The following NME9 variants were observed in gnomAD, a reference collection of about 807,000 sequenced individuals.
NME9 encodes the protein NME/NM23 family member 9, also known as thioredoxin domain-containing protein 6.
NME9 carries 48 observed loss-of-function variants against 44.4 expected under a neutral mutation model. The observed-to-expected ratio is 1.08, with a 90% CI of 0.86 to 1.37. The LOEUF (loss-of-function observed/expected upper bound fraction) is 1.37. NME9 is among the 40% of genes most tolerant of loss of function. NME9 has a pLI of 0.00. For missense variants in NME9, 325 were observed against 405.2 expected (o/e 0.80, Z 1.70); for synonymous variants, 139 against 147.1 (o/e 0.94, Z 0.40).
At position 138,283,005 on chromosome 3, in the gene NME9, G is replaced by A. The variant is rs73867057; in HGVS notation, c.746-20419C>T. On this transcript the variant is annotated intron_variant, in intron 8 of 8. Coordinates refer to the NME9 transcript ENST00000317876. Reference sequence around the variant, plus strand: ...TGACACCTTCTCCAGATCAGATCATGTCTGTCCCACTTCTTGGGCACATAA... The same window carrying A: ...TGACACCTTCTCCAGATCAGATCATATCTGTCCCACTTCTTGGGCACATAA... Among the ~76,000 whole-genome samples the A allele has an allele frequency of 5.2e-3, 789 of 152,312 alleles. 8 individuals are homozygous for A. The highest frequency in any genetic ancestry group is 0.018 in the African/African-American group (758 of 41,560).
In NME9 at chr3:138,316,097, G is replaced by A. The variant is rs964898148; in HGVS notation, c.268-454C>T. ...TCTGCCTGTCTCGGCCTCCCAAAGC[G>A]TTGGGATTACAGGCGTGAGCCACCG... is the stretch of plus-strand genomic sequence containing the variant. On this transcript the variant is annotated intron_variant, in intron 4 of 10. Coordinates refer to ENST00000333911, the MANE Select transcript of NME9 (RefSeq NM_001349018.2). Among the ~76,000 whole-genome samples the A allele has an allele frequency of 4.6e-5, 7 of 152,226 alleles. No individual in the cohort carries two copies. In the South Asian group the frequency reaches 8.3e-4, roughly 18 times the overall value.
chr3:138,287,522 G>A (rs2050546578), intron 8 of NME9: 2 of 380,294 alleles, frequency 5.3e-6, no homozygotes, highest in East Asian at 1.6e-4. Flanking sequence ...ATAAACTTAT[G>A]CATAGTAAAT....
At chr3:138,264,249 A>C (rs770785995) in intron 8 of NME9, 3 of 1,552,282 alleles carry the variant, frequency 1.9e-6, no homozygotes, top group African/African-American at 1.4e-5. Context: ...AGCTGTACTC[A>C]CAGACCCTAG....
intron 8 of NME9, among the ~76,000 whole-genome samples, chr3:138,272,382 G>T (rs2048879186): frequency 6.6e-6 from 1 of 151,728 alleles, no homozygotes; most frequent in Admixed American, 6.6e-5. Flanking sequence ...AGTGATAAAT[G>T]AGTTTTGTAT....
chr3:138,325,403 T>G (rs1359558367), intron 1 of NME9, among the ~76,000 whole-genome samples: 1 of 151,064 alleles, frequency 6.6e-6, no homozygotes, highest in Non-Finnish European at 1.5e-5. Flanking sequence ...AATTTCTTTT[T>G]TTTTTTTTGT....
chr3:138,329,550 T>C lies in NME9; in HGVS notation c.-215A>G. The C allele has an allele frequency of 7.5e-7, 1 of 1,338,194 alleles. No individual in the cohort carries two copies. The highest frequency in any genetic ancestry group is 3.0e-5 in the East Asian group (1 of 33,088). 82.9% of individuals were successfully genotyped at this position (1,338,194 alleles called of 1,614,324 possible). On this transcript the variant is annotated 5_prime_UTR_variant, in exon 1 of 11. Coordinates refer to ENST00000333911, the MANE Select transcript of NME9 (RefSeq NM_001349018.2). ...CCCCGCGAGGAAGCGGAGCCTGCAG[T>C]CCACGGGCTCGTGGCTCGCCGGGCG...
chr3:138,278,514 A>G (rs2049535914), intron 8 of NME9, among the ~76,000 whole-genome samples: 5 of 152,134 alleles, frequency 3.3e-5, no homozygotes. Flanking sequence ...AAAAAAAAAA[A>G]GATTCTATAC....
chr3:138,279,673 C>A (rs537512100), intron 8 of NME9, among the ~76,000 whole-genome samples: 1 of 152,074 alleles, frequency 6.6e-6, no homozygotes, highest in Non-Finnish European at 1.5e-5. Context: ...GATACGATGA[C>A]CGTTTTGTGG....
rs78573658 is a variant in NME9, at chr3:138,293,310, G to A, written c.745+10197C>T. ...TAATCCCAGCACTTTGGGAGGCCGA[G>A]GTAAGCGGATTATGAGGTCAGGAGT... is the stretch of plus-strand genomic sequence containing the variant. On this transcript the variant is annotated intron_variant, in intron 8 of 8. Coordinates refer to the NME9 transcript ENST00000317876. 7.7e-3 allele frequency among the ~76,000 whole-genome samples: 1,168 copies of A among 152,272 alleles called. 38 individuals carry two copies. In the East Asian group the frequency reaches 0.087, roughly 11 times the overall value.
At chr3:138,289,209 C>T (rs1272655481) in intron 8 of NME9, 2 of 1,022,178 alleles carry the variant, frequency 2.0e-6, no homozygotes, top group East Asian at 2.6e-5. Context: ...AGATCCTGGG[C>T]AGAGGCTCTG....
chr3:138,290,602 A>G (rs1209317884), intron 8 of NME9: 2 of 1,607,234 alleles, frequency 1.2e-6, no homozygotes, highest in Admixed American at 1.7e-5. Flanking sequence ...TATTCTACAC[A>G]AACTGAGTCA....
chr3:138,263,662 A>G, intron 8 of NME9: 1 of 1,224,640 alleles, frequency 8.2e-7, no homozygotes. Context: ...AATGGATGTT[A>G]ACATACTTGC....
At chr3:138,264,445 A>G (rs185174246) in intron 8 of NME9, among the ~76,000 whole-genome samples, 1,142 of 96,086 alleles carry the variant, frequency 0.012, 13 homozygotes, top group African/African-American at 0.044. Context: ...TTTGAGATGT[A>G]GTCTAGCTCT....
intron 6 of NME9, among the ~76,000 whole-genome samples, chr3:138,309,304 A>T (rs576554062): frequency 1.3e-5 from 2 of 149,266 alleles, no homozygotes; most frequent in Non-Finnish European, 3.0e-5. Context: ...ATCTCAAACA[A>T]AAAAAAAAAA....
chr3:138,278,223 G>T (rs189724729), intron 8 of NME9, among the ~76,000 whole-genome samples: 1 of 151,976 alleles, frequency 6.6e-6, no homozygotes, highest in African/African-American at 2.4e-5. Context: ...TATACATTTG[G>T]TAGGCCAGGC....
Position 138,301,190 on chromosome 3 carries a change from T to TG in NME9, c.*449_*450insC. 1 of 845,552 alleles carries TG rather than the reference T, an allele frequency of 1.2e-6. No individual in the cohort carries two copies. The highest frequency in any genetic ancestry group is 1.4e-6 in the Non-Finnish European group (1 of 702,590). The allele number at this position is 845,552 out of a possible 1,614,324, so 52.4% of individuals were successfully genotyped here. On this transcript the variant is annotated 3_prime_UTR_variant, in exon 11 of 11. Transcript: ENST00000333911. ...TAAGGCAGAAAAGTATATACTATTCTCTTTCTTTACTTTTTTTTTTATTAT... is the reference window on the plus strand; with the variant it reads ...TAAGGCAGAAAAGTATATACTATTCTGCTTTCTTTACTTTTTTTTTTATTAT...
chr3:138,289,228 C>G, intron 8 of NME9: 1 of 823,880 alleles, frequency 1.2e-6, no homozygotes, highest in Non-Finnish European at 1.9e-6. Flanking sequence ...TGTTCTTGGA[C>G]CATCTGGCCC....
chr3:138,264,279 C>A, intron 8 of NME9: 1 of 1,241,810 alleles, frequency 8.1e-7, no homozygotes, highest in Non-Finnish European at 1.2e-6. Context: ...AGCTAGCTAA[C>A]ACTACTCCCT....
intron 5 of NME9, among the ~76,000 whole-genome samples, chr3:138,314,804 G>A (rs1053752268): frequency 6.6e-6 from 1 of 152,166 alleles, no homozygotes; most frequent in Non-Finnish European, 1.5e-5. Context: ...TTTTGTGAGG[G>A]AAAATGGCCA....
Sources: allele counts gnomAD v4.1 joint callset (sites outside exome capture counted in the v4.1 genomes callset), GRCh38; gene constraint gnomAD v4.1.1; transcripts MANE v1.5; gene names NCBI Gene and HGNC (gene_info 2026-07-23, HGNC 2026-07-21).